Variants in SPECC1 observed in about 807,000 individuals in gnomAD.
The protein encoded by SPECC1 is sperm antigen with calponin homology and coiled-coil domains 1.
Under a neutral mutation model 104.1 loss-of-function variants are expected in SPECC1, and 62 were observed. The ratio of observed to expected loss-of-function variants is 0.60; its 90% confidence interval spans 0.49 to 0.74. The LOEUF is 0.74. Among genes scored for constraint, SPECC1 ranks in the 30% least tolerant of loss-of-function variants. SPECC1 has a pLI of 0.00. For missense variants in SPECC1, 1,306 were observed against 1,310.5 expected (o/e 1.00, Z 0.05); for synonymous variants, 513 against 501.6 (o/e 1.02, Z -0.30).
intron 1 of SPECC1, among the ~76,000 whole-genome samples, chr17:20,093,634 G>C (rs780180450): frequency 1.6e-4 from 24 of 152,104 alleles, no homozygotes; most frequent in Non-Finnish European, 3.2e-4. Flanking sequence ...AGTGGGCCTA[G>C]GGGTGCACCT....
At chr17:20,134,633 T>C (rs995025304) in intron 3 of SPECC1, among the ~76,000 whole-genome samples, 4 of 152,226 alleles carry the variant, frequency 2.6e-5, no homozygotes, top group Non-Finnish European at 5.9e-5. Context: ...TTTTATTTTT[T>C]TGAGACAGGG....
intron 13 of SPECC1, among the ~76,000 whole-genome samples, chr17:20,298,976 T>TGTGTGTAG (rs1387019978): frequency 1.3e-5 from 1 of 77,382 alleles, no homozygotes; most frequent in Non-Finnish European, 2.3e-5. Flanking sequence ...TGTGTGTATG[T>TGTGTGTAG]AGAGAGAGAG....
chr17:20,080,237 A>G (rs1001716188), intron 1 of SPECC1, among the ~76,000 whole-genome samples: 7 of 152,160 alleles, frequency 4.6e-5, no homozygotes, highest in Non-Finnish European at 7.3e-5. Context: ...TCACAAAGGG[A>G]TGCTATTTAT....
intron 3 of SPECC1, chr17:20,156,111 C>A: frequency 7.3e-7 from 1 of 1,365,084 alleles, no homozygotes; most frequent in South Asian, 1.7e-5. Context: ...ACGCAACCGC[C>A]TCGCCAGCCG....
chr17:20,147,471 T>A (rs935162790), intron 3 of SPECC1, among the ~76,000 whole-genome samples: 1 of 152,146 alleles, frequency 6.6e-6, no homozygotes, highest in African/African-American at 2.4e-5. Flanking sequence ...GATAATGGAA[T>A]TGTGTGTGTG....
intron 12 of SPECC1, among the ~76,000 whole-genome samples, chr17:20,291,376 T>G (rs952087982): frequency 6.6e-6 from 1 of 152,196 alleles, no homozygotes; most frequent in Non-Finnish European, 1.5e-5. Context: ...CAGAGGCAAA[T>G]GGAGCTGGCG....
chr17:20,023,719 GAAT>G (rs2044488496), intron 1 of SPECC1, among the ~76,000 whole-genome samples: 1 of 151,844 alleles, frequency 6.6e-6, no homozygotes, highest in Non-Finnish European at 1.5e-5. Context: ...GAAAGACTCT[GAAT>G]AAAAAATCCA....
rs372645858 is a variant in SPECC1 at position 20,167,878 on chromosome 17, CAT to C, written c.284-36452_284-36451del. Among the ~76,000 whole-genome samples the C allele has an allele frequency of 5.3e-4, 80 of 152,224 alleles. No individual in the cohort carries two copies. The South Asian group carries it at 0.013, about 26-fold the overall frequency. On this transcript the variant is annotated intron_variant, in intron 3 of 14. Coordinates refer to ENST00000395527, the MANE Select transcript of SPECC1 (RefSeq NM_001243439.2). Reference sequence around the variant, plus strand: ...GATTATTTCTTAATTTAATAATTAACATATGCTAGAAAAACTATAACTTGTAC... The same window carrying C: ...GATTATTTCTTAATTTAATAATTAACATGCTAGAAAAACTATAACTTGTAC...
At chr17:20,227,786 G>A (rs1281558809) in intron 5 of SPECC1, among the ~76,000 whole-genome samples, 166 bp downstream of exon 5, 1 of 152,060 alleles carries the variant, frequency 6.6e-6, no homozygotes, top group African/African-American at 2.4e-5. Flanking sequence ...GTGGTGGTGG[G>A]CGCCTGTAAT....
chr17:20,284,976 G>C (rs544324314), intron 12 of SPECC1, among the ~76,000 whole-genome samples: 11 of 152,182 alleles, frequency 7.2e-5, no homozygotes, highest in Non-Finnish European at 1.5e-4. Context: ...ACCTCATGGA[G>C]GCACCTGGAG....
intron 3 of SPECC1, among the ~76,000 whole-genome samples, chr17:20,189,479 G>A (rs2035508169): frequency 6.6e-6 from 1 of 152,162 alleles, no homozygotes; most frequent in African/African-American, 2.4e-5. Flanking sequence ...TTGGCATTCT[G>A]GCTTCTCCTG....
chr17:20,044,762 A>G (rs1483271541), intron 1 of SPECC1, among the ~76,000 whole-genome samples: 1 of 152,158 alleles, frequency 6.6e-6, no homozygotes, highest in East Asian at 1.9e-4. Flanking sequence ...TATAATGATA[A>G]TGGGACTGTA....
chr17:20,230,217 A>T (rs983892783), intron 5 of SPECC1, among the ~76,000 whole-genome samples: 1 of 152,216 alleles, frequency 6.6e-6, no homozygotes, highest in African/African-American at 2.4e-5. Context: ...TCCTAGAGAC[A>T]ATAGTTCGGT....
Position 20,013,581 on chromosome 17 carries a change from G to A in SPECC1, c.-22+4157G>A, listed in dbSNP as rs968530440. ...CAGTGGCACGATCTCCGCTCACTGC[G>A]ACCTCCGGCTTTCGGGTTCAAACGA... On this transcript the variant is annotated intron_variant, in intron 1 of 14. Coordinates refer to ENST00000395527, the MANE Select transcript of SPECC1 (RefSeq NM_001243439.2). 2.6e-5 allele frequency among the ~76,000 whole-genome samples: 4 copies of A among 152,174 alleles called. No individual in the cohort carries two copies. The East Asian group carries it at 7.7e-4, about 29-fold the overall frequency.
chr17:20,293,667 C>A (rs1010352548), intron 12 of SPECC1, among the ~76,000 whole-genome samples: 1 of 152,220 alleles, frequency 6.6e-6, no homozygotes, highest in Non-Finnish European at 1.5e-5. Context: ...CCTAGACTTG[C>A]CCATTTCTTC....
At chr17:20,159,061 G>T (rs1452081201) in intron 3 of SPECC1, among the ~76,000 whole-genome samples, 1 of 151,750 alleles carries the variant, frequency 6.6e-6, no homozygotes, top group African/African-American at 2.4e-5. Context: ...GGGTTAAAGC[G>T]ATCCTCCCGA....
At chr17:20,241,159 A>G (rs2039182369) in intron 7 of SPECC1, among the ~76,000 whole-genome samples, 1 of 152,246 alleles carries the variant, frequency 6.6e-6, no homozygotes, top group Non-Finnish European at 1.5e-5. Flanking sequence ...ACAGAAGCCC[A>G]GGTAGAGTAG....
chr17:20,156,333 G>T, intron 3 of SPECC1: 3 of 1,261,956 alleles, frequency 2.4e-6, no homozygotes, highest in Non-Finnish European at 3.0e-6. Flanking sequence ...GCCGACTGGG[G>T]CGAGCGAAAG....
Position 20,227,438 on chromosome 17 carries a change from A to G in SPECC1, c.1889A>G (p.Lys630Arg). Residue 630 changes from lysine (K) to arginine (R), a missense_variant, in exon 5 of 15, where the codon AAG becomes AGG. Around this residue, in one of 2 missense-constraint regions of SPECC1, gnomAD observed 1,177 missense variants for 1,139.9 expected, o/e 1.03. Transcript: ENST00000395527. ...GTGGAAAAGGATTATTCATACCTGA[A>G]GGAGATATGTGATCACCAAGCCGAA... Reference protein sequence around the residue: ...AKVEKDYSYLKEICDHQAEQL... With the variant: ...AKVEKDYSYLREICDHQAEQL... The G allele has an allele frequency of 6.2e-7, 1 of 1,612,476 alleles. No homozygotes were observed. Among genetic ancestry groups the G allele is most frequent in the Non-Finnish European group, 8.5e-7 (1 of 1,179,560 alleles).
Sources: allele counts gnomAD v4.1 joint callset (sites outside exome capture counted in the v4.1 genomes callset), GRCh38; gene constraint gnomAD v4.1.1; regional missense constraint gnomAD v4.1.1; transcripts MANE v1.5; gene names NCBI Gene and HGNC (gene_info 2026-07-23, HGNC 2026-07-21).